KCNT1: variants seen among roughly 807,000 people sequenced by gnomAD.
The protein encoded by KCNT1 is potassium channel subfamily T member 1.
A neutral mutation model predicts 147.8 loss-of-function variants in KCNT1; 78 were observed. The ratio of observed to expected loss-of-function variants is 0.53; its 90% CI spans 0.44 to 0.64. KCNT1 has a LOEUF of 0.64. Ranked by LOEUF, KCNT1 falls within the 30% of genes least tolerant of loss-of-function variation. The pLI is 0.00. For synonymous variants in KCNT1, 867 were observed against 748.8 expected, an observed-to-expected ratio of 1.16 and a Z score of -2.58; for missense variants, 1,419 against 1,750.3, an observed-to-expected ratio of 0.81 and a Z score of 3.38.
chr9:135,747,856 C>T (rs1023341264), intron 2 of KCNT1, among the ~76,000 whole-genome samples: 4 of 152,322 alleles, frequency 2.6e-5, no homozygotes, highest in African/African-American at 9.6e-5. Flanking sequence ...AGGACTTGGC[C>T]TGAGCCTCCT....
At chr9:135,734,256 G>A (rs142049946) in intron 2 of KCNT1, among the ~76,000 whole-genome samples, 7 of 152,290 alleles carry the variant, frequency 4.6e-5, no homozygotes, top group Non-Finnish European at 7.4e-5. Flanking sequence ...CAAGGCTCAC[G>A]TGGCTCTGTG....
At chr9:135,756,686 C>T (rs80291343) in intron 6 of KCNT1, among the ~76,000 whole-genome samples, 187 bp from the exon 7 acceptor site, 2,821 of 152,242 alleles carry the variant, frequency 0.019, 62 homozygotes, top group Middle Eastern at 0.058. Flanking sequence ...TCCATCTGCC[C>T]TCGGCCCTGG....
At position 135,779,450 on chromosome 9, in the gene KCNT1, G is replaced by T. The variant is rs1833441904; in HGVS notation, c.2821G>T (p.Ala941Ser). 1.2e-6 allele frequency: 2 copies of T among 1,613,022 alleles called. No homozygotes were observed. Among genetic ancestry groups the T allele is most frequent in the South Asian group, 1.1e-5 (1 of 91,066 alleles). ...QFRAKDSYSLALSKLEKRERE... is the reference protein window; with the variant it reads ...QFRAKDSYSLSLSKLEKRERE... ...CCGCGCCAAGGACAGCTACTCTCTGGCTCTTTCCAAACTAGAAAAGGTGAG... is the reference window on the plus strand; with the variant it reads ...CCGCGCCAAGGACAGCTACTCTCTGTCTCTTTCCAAACTAGAAAAGGTGAG... The change falls in exon 24 of 31, where the codon GCT becomes TCT. Residue 941 changes from alanine (A) to serine (S), a missense_variant. By Grantham distance (99) the Ala-to-Ser change is moderately conservative. Transcript: ENST00000371757.
intron 2 of KCNT1, among the ~76,000 whole-genome samples, chr9:135,739,648 A>G (rs530205884): frequency 1.3e-5 from 2 of 152,182 alleles, no homozygotes; most frequent in Admixed American, 1.3e-4. Flanking sequence ...AGCTTGCCCC[A>G]GATGGCCTCT....
intron 19 of KCNT1, among the ~76,000 whole-genome samples, chr9:135,774,305 CTG>C (rs1313598856): frequency 2.5e-5 from 3 of 117,860 alleles, no homozygotes; most frequent in Non-Finnish European, 3.4e-5. Context: ...GTGTGTGTGT[CTG>C]TGTGCTGTGT....
At chr9:135,703,741 C>T (rs1005524216) in intron 1 of KCNT1, among the ~76,000 whole-genome samples, 17 of 152,356 alleles carry the variant, frequency 1.1e-4, no homozygotes, top group African/African-American at 4.1e-4. Flanking sequence ...GAGTTTATCA[C>T]CTACCCTGCT....
chr9:135,786,166 T>G (rs767009310), intron 28 of KCNT1, 31 bp from the exon 29 acceptor site: 8 of 1,402,366 alleles, frequency 5.7e-6, no homozygotes, highest in East Asian at 2.4e-5. Flanking sequence ...GCCTCACCCC[T>G]CCCCGCCCTG....
At chr9:135,772,664 C>G (rs1370071579) in intron 18 of KCNT1, 51 bp from the exon 19 acceptor site, 7 of 1,319,008 alleles carry the variant, frequency 5.3e-6, no homozygotes, top group Non-Finnish European at 6.9e-6. Context: ...GAACTCGCCG[C>G]CCATGGAGGG....
chr9:135,761,796 G>C (rs1467352352), intron 11 of KCNT1, among the ~76,000 whole-genome samples: 1 of 152,196 alleles, frequency 6.6e-6, no homozygotes, highest in Non-Finnish European at 1.5e-5. Context: ...CGAGGTCAGA[G>C]GAAGGGTCAA....
chr9:135,757,615 G>A (rs906328590), intron 9 of KCNT1, among the ~76,000 whole-genome samples: 1 of 152,202 alleles, frequency 6.6e-6, no homozygotes, highest in African/African-American at 2.4e-5. Flanking sequence ...TCCTAAGCCT[G>A]GAAATGAAAT....
intron 29 of KCNT1, among the ~76,000 whole-genome samples, chr9:135,786,939 A>C (rs1430847273): frequency 6.6e-6 from 1 of 152,206 alleles, no homozygotes; most frequent in African/African-American, 2.4e-5. Context: ...GGGCTCCCCA[A>C]GTCGAGGGCA....
chr9:135,771,002 CAGG>C lies in KCNT1; in HGVS notation c.1921_1923del (p.Glu641del). 3 of 1,613,882 alleles carry C rather than the reference CAGG, an allele frequency of 1.9e-6. No homozygotes were observed. The highest frequency in any genetic ancestry group is 2.5e-6 in the Non-Finnish European group (3 of 1,179,894). ...GGAGAACTCGGCCTTCATCTTCAAGCAGGAGGAGAAGCGGAAGAAGAGGGCCTT... is the reference window on the plus strand; with the variant it reads ...GGAGAACTCGGCCTTCATCTTCAAGCAGGAGAAGCGGAAGAAGAGGGCCTT... On this transcript the variant is annotated inframe_deletion, in exon 18 of 31. Transcript: ENST00000371757.
chr9:135,777,264 G>T (rs1833234245), intron 20 of KCNT1, 74 bp from the exon 21 acceptor site: 2 of 1,482,378 alleles, frequency 1.3e-6, no homozygotes, highest in Non-Finnish European at 1.8e-6. Flanking sequence ...TTTGGTGAGG[G>T]GTCTGGGAGG....
rs1216145580 is a variant in KCNT1, at chr9:135,730,190, C to T, written c.254+15470C>T. ...TTCACAGTAAGGCAGTGTTGAATTG[C>T]AGCCTCTAGTGGCGACAACAAGGAA... On this transcript the variant is annotated intron_variant, in intron 2 of 30. Transcript: ENST00000371757. This position sits in a 1 kb window ranked among gnomAD's most constrained non-coding sequence, Gnocchi z 4.7. Among the ~76,000 whole-genome samples the T allele has an allele frequency of 6.6e-6, 1 of 152,212 alleles. No individual in the cohort carries two copies. Among genetic ancestry groups the T allele is most frequent in the Non-Finnish European group, 1.5e-5 (1 of 68,046 alleles).
At chr9:135,789,237 G>A (rs1262169098) in intron 29 of KCNT1, 1 of 152,142 alleles carries the variant, frequency 6.6e-6, no homozygotes, top group Non-Finnish European at 1.5e-5. Flanking sequence ...GCGGGCTTGG[G>A]GGGCGAGGGC....
chr9:135,702,301 C>T lies in KCNT1; in HGVS notation c.43C>T (p.Arg15Trp), dbSNP rs1303750739. ...DGARTPGGVC[R>W]EARGGGYTNR... ...GGCGCGGACCCCGGGGGGCGTCTGCCGGGAGGCGCGCGGCGGGGGCTACAC... is the reference window on the plus strand; with the variant it reads ...GGCGCGGACCCCGGGGGGCGTCTGCTGGGAGGCGCGCGGCGGGGGCTACAC... Residue 15 changes from arginine to tryptophan, a missense_variant, in exon 1 of 31, where the codon CGG becomes TGG. Around this residue, in one of 5 missense-constraint regions of KCNT1, gnomAD observed 181 missense variants for 155.7 expected, o/e 1.16. Coordinates refer to ENST00000371757, the MANE Select transcript of KCNT1 (RefSeq NM_020822.3). 1 of 1,609,982 alleles carries T rather than the reference C, an allele frequency of 6.2e-7. No individual in the cohort carries two copies. The highest frequency in any genetic ancestry group is 8.5e-7 in the Non-Finnish European group (1 of 1,178,548).
intron 3 of KCNT1, chr9:135,750,474 A>G (rs1831088251): frequency 3.9e-6 from 2 of 507,744 alleles, no homozygotes; most frequent in Admixed American, 3.2e-5. Context: ...AGGACCATCC[A>G]TAGGTGCCAG....
intron 19 of KCNT1, 124 bp downstream of exon 19, chr9:135,773,073 T>C (rs939355618): frequency 3.5e-5 from 21 of 602,554 alleles, no homozygotes; most frequent in African/African-American, 5.8e-5. Context: ...GACAGCTCCG[T>C]GGAAGTCCTT....
rs1836398811 is a variant in KCNT1 at position 135,730,845 on chromosome 9, G to C, written c.254+16125G>C. ...TACAAAAAATACAAAACTTAGCCGA[G>C]CATGGTGGTGCATGCCTGTAGTCCC... On this transcript the variant is annotated intron_variant, in intron 2 of 30. Coordinates refer to ENST00000371757, the MANE Select transcript of KCNT1 (RefSeq NM_020822.3). This position sits in a 1 kb window ranked among gnomAD's most constrained non-coding sequence, Gnocchi z 4.7. 6.6e-6 allele frequency among the ~76,000 whole-genome samples: 1 copy of C among 151,962 alleles called. No individual in the cohort carries two copies. Among genetic ancestry groups the C allele is most frequent in the Admixed American group, 6.6e-5 (1 of 15,258 alleles).
Sources: allele counts gnomAD v4.1 joint callset (sites outside exome capture counted in the v4.1 genomes callset), GRCh38; gene constraint gnomAD v4.1.1; regional missense constraint gnomAD v4.1.1; non-coding constraint Gnocchi (gnomAD v3.1); transcripts MANE v1.5; gene names NCBI Gene and HGNC (gene_info 2026-07-23, HGNC 2026-07-21).